RB1: variants seen among roughly 807,000 people sequenced by gnomAD.
The protein encoded by RB1 is retinoblastoma-associated protein.
Under a neutral mutation model 135.4 loss-of-function variants are expected in RB1, and 18 were observed. The observed-to-expected ratio is 0.13, with a 90% CI of 0.09 to 0.20. The LOEUF is 0.20. Among genes scored for constraint, RB1 ranks in the 10% least tolerant of loss-of-function variants. The pLI is 1.00. For synonymous variants in RB1, 365 were observed against 373.2 expected (o/e 0.98, Z 0.25); for missense variants, 868 against 1,110.0 (o/e 0.78, Z 3.10).
intron 2 of RB1, among the ~76,000 whole-genome samples, chr13:48,326,257 C>T (rs923254483): frequency 7.2e-5 from 11 of 151,868 alleles, no homozygotes; most frequent in Admixed American, 6.6e-4. Context: ...AATTATCCTC[C>T]GTAAAAATGC....
At chr13:48,477,134 A>G (rs1446770276) in intron 25 of RB1, among the ~76,000 whole-genome samples, 1 of 152,224 alleles carries the variant, frequency 6.6e-6, no homozygotes, top group Non-Finnish European at 1.5e-5. Context: ...CTCTTGAAAA[A>G]TATTAACCAC....
intron 17 of RB1, among the ~76,000 whole-genome samples, chr13:48,423,158 T>G (rs972083886): frequency 6.6e-6 from 1 of 152,174 alleles, no homozygotes; most frequent in African/African-American, 2.4e-5. Flanking sequence ...ATAAAAAGAA[T>G]GAAATATAGT....
chr13:48,353,001 GA>G (rs1593440050), intron 6 of RB1, among the ~76,000 whole-genome samples: 1 of 151,576 alleles, frequency 6.6e-6, no homozygotes, highest in African/African-American at 2.4e-5. Flanking sequence ...AGTTATAGGT[GA>G]AAAAAAGAGG....
intron 17 of RB1, among the ~76,000 whole-genome samples, chr13:48,441,419 A>G (rs1016062181): frequency 6.6e-6 from 1 of 152,240 alleles, no homozygotes; most frequent in Non-Finnish European, 1.5e-5. Flanking sequence ...TTCCAAACAT[A>G]TAGAAGTAGT....
chr13:48,360,564 G>C (rs992518386), intron 7 of RB1: 1 of 167,854 alleles, frequency 6.0e-6, no homozygotes, highest in African/African-American at 2.4e-5. Context: ...CCTATTCTAA[G>C]GGAACAGCTT....
At chr13:48,315,467 AC>A (rs1952173958) in intron 2 of RB1, among the ~76,000 whole-genome samples, 1 of 152,206 alleles carries the variant, frequency 6.6e-6, no homozygotes, top group African/African-American at 2.4e-5. Context: ...TCATCTGCAA[AC>A]AGGAATAGTT....
At chr13:48,438,319 T>C (rs1355963470) in intron 17 of RB1, among the ~76,000 whole-genome samples, 2 of 152,186 alleles carry the variant, frequency 1.3e-5, no homozygotes, top group African/African-American at 4.8e-5. Context: ...TGCATGAAGT[T>C]TCCCCAGGGC....
chr13:48,415,437 A>G (rs933527820), intron 17 of RB1, among the ~76,000 whole-genome samples: 5 of 151,612 alleles, frequency 3.3e-5, no homozygotes, highest in African/African-American at 9.7e-5. Flanking sequence ...CCGCCACCAC[A>G]CCCAGCTAAT....
chr13:48,356,174 C>T (rs1005542249), intron 6 of RB1, among the ~76,000 whole-genome samples: 11 of 151,716 alleles, frequency 7.3e-5, no homozygotes, highest in South Asian at 6.2e-4. Context: ...TCACATACCC[C>T]GTAAATATAT....
At chr13:48,422,832 C>A (rs1221351894) in intron 17 of RB1, 1 of 152,040 alleles carries the variant, frequency 6.6e-6, no homozygotes, top group African/African-American at 2.4e-5. Flanking sequence ...CCTACATATA[C>A]AACCAATTCA....
At chr13:48,474,458 T>C (rs960850623) in intron 24 of RB1, among the ~76,000 whole-genome samples, 2 of 152,182 alleles carry the variant, frequency 1.3e-5, no homozygotes, top group African/African-American at 2.4e-5. Context: ...CTTTCAATGA[T>C]ACCATGTATG....
At chr13:48,374,453 A>C (rs1368019331) in intron 12 of RB1, among the ~76,000 whole-genome samples, 2 of 152,134 alleles carry the variant, frequency 1.3e-5, no homozygotes, top group East Asian at 3.8e-4. Context: ...CATTGCCATA[A>C]CCTGCCTGTG....
intron 17 of RB1, among the ~76,000 whole-genome samples, chr13:48,445,565 A>G (rs945012964): frequency 1.3e-5 from 2 of 152,166 alleles, no homozygotes. Context: ...CTCCTTTCAA[A>G]GCACAGCCTC....
At chr13:48,414,194 A>C (rs576381802) in intron 17 of RB1, among the ~76,000 whole-genome samples, 2 of 152,274 alleles carry the variant, frequency 1.3e-5, no homozygotes, top group African/African-American at 4.8e-5. Flanking sequence ...CCAAAAATAC[A>C]AAACTAGCCT....
intron 2 of RB1, among the ~76,000 whole-genome samples, chr13:48,330,862 G>A (rs982641644): frequency 6.6e-6 from 1 of 152,082 alleles, no homozygotes; most frequent in Non-Finnish European, 1.5e-5. Flanking sequence ...GAAGATTATA[G>A]GTCAATATCC....
In RB1 at chr13:48,464,958, CTTT is replaced by C. The variant is rs553094345; in HGVS notation, c.2212-18_2212-16del. The stretch of plus-strand genomic sequence containing the variant: ...AAATTCATTTAACAAGTAAATTTTA[CTTT>C]TTTTTTTTTTTTTTTTTTTTTACTG... On this transcript the variant is annotated intron_variant, in intron 21 of 26. Coordinates refer to ENST00000267163, the MANE Select transcript of RB1 (RefSeq NM_000321.3). The C allele has an allele frequency of 0.018, 14,951 of 823,668 alleles. 9 individuals carry two copies. Among genetic ancestry groups the C allele is most frequent in the African/African-American group, 0.042 (1,948 of 46,126 alleles). The allele number at this position is 823,668 out of a possible 1,614,324, so 51.0% of individuals were successfully genotyped here.
At chr13:48,333,093 G>A in intron 2 of RB1, 1 of 398,314 alleles carries the variant, frequency 2.5e-6, no homozygotes, top group Non-Finnish European at 4.4e-6. Flanking sequence ...CGTGGATATG[G>A]AATGACTGAT....
At chr13:48,368,025 G>A (rs1027836459) in intron 10 of RB1, among the ~76,000 whole-genome samples, 1 of 152,104 alleles carries the variant, frequency 6.6e-6, no homozygotes, top group African/African-American at 2.4e-5. Flanking sequence ...GGTTGAGAGT[G>A]ATTGTTAAAA....
intron 17 of RB1, among the ~76,000 whole-genome samples, chr13:48,430,879 T>C (rs1949123330): frequency 6.6e-6 from 1 of 152,172 alleles, no homozygotes; most frequent in Non-Finnish European, 1.5e-5. Flanking sequence ...CAGTAGGCCA[T>C]GCCACTGTAC....
Sources: allele counts gnomAD v4.1 joint callset (sites outside exome capture counted in the v4.1 genomes callset), GRCh38; gene constraint gnomAD v4.1.1; transcripts MANE v1.5; gene names NCBI Gene and HGNC (gene_info 2026-07-23, HGNC 2026-07-21).